KCNQ5: variants seen among roughly 807,000 people sequenced by gnomAD.
KCNQ5 encodes potassium voltage-gated channel subfamily Q member 5.
Under a neutral mutation model 98.2 loss-of-function variants are expected in KCNQ5, and 30 were observed. That is an observed-to-expected ratio of 0.31 (90% CI 0.23 to 0.41). KCNQ5 has a LOEUF of 0.41. Among genes scored for constraint, KCNQ5 ranks in the 10% least tolerant of loss-of-function variants. The pLI is 1.00. For synonymous variants in KCNQ5, 458 were observed against 449.4 expected (o/e 1.02, Z -0.24); for missense variants, 835 against 1,182.5 (o/e 0.71, Z 4.31).
chr6:72,845,736 A>G (rs1330180228), intron 1 of KCNQ5, among the ~76,000 whole-genome samples: 1 of 152,208 alleles, frequency 6.6e-6, no homozygotes, highest in Non-Finnish European at 1.5e-5. Flanking sequence ...TAAGCATATT[A>G]AAGTGGTGTT....
At chr6:72,979,147 T>C (rs1168305065) in intron 1 of KCNQ5, among the ~76,000 whole-genome samples, 2 of 152,226 alleles carry the variant, frequency 1.3e-5, no homozygotes, top group East Asian at 1.9e-4. Context: ...TACGTGTGTA[T>C]GTATCTTTAT....
intron 1 of KCNQ5, among the ~76,000 whole-genome samples, chr6:72,738,910 A>C (rs906081561): frequency 2.6e-5 from 4 of 152,204 alleles, no homozygotes; most frequent in Non-Finnish European, 1.5e-5. Context: ...AGGAGGGATG[A>C]TGAGGCAGAA....
chr6:72,955,630 A>T (rs2150259398), intron 1 of KCNQ5, among the ~76,000 whole-genome samples: 1 of 152,328 alleles, frequency 6.6e-6, no homozygotes, highest in South Asian at 2.1e-4. Flanking sequence ...TATAGAAGGA[A>T]TTAGGACTTG....
chr6:72,754,669 G>A (rs1771866429), intron 1 of KCNQ5, among the ~76,000 whole-genome samples: 1 of 151,426 alleles, frequency 6.6e-6, no homozygotes, highest in Non-Finnish European at 1.5e-5. Flanking sequence ...TTGCTGTATG[G>A]GATCTCAAAA....
At chr6:72,963,409 C>G (rs892648269) in intron 1 of KCNQ5, among the ~76,000 whole-genome samples, 1 of 152,096 alleles carries the variant, frequency 6.6e-6, no homozygotes, top group Non-Finnish European at 1.5e-5. Flanking sequence ...GAACAAACCT[C>G]AGTCTTACTG....
At chr6:72,766,168 G>A (rs553751093) in intron 1 of KCNQ5, among the ~76,000 whole-genome samples, 4 of 152,094 alleles carry the variant, frequency 2.6e-5, no homozygotes, top group African/African-American at 9.6e-5. Context: ...AGTTGTCTGG[G>A]ACAAAAGGGA....
rs372673646 is a variant in KCNQ5 at position 73,005,934 on chromosome 6, CA to C, written c.489+1937del. Among the ~76,000 whole-genome samples, 153 of 152,312 alleles carry C rather than the reference CA, an allele frequency of 1.0e-3. 2 individuals carry two copies. In the South Asian group the frequency reaches 0.025, roughly 25 times the overall value. ...ACCTAGAAATATGCAGACTGCATTGCAGAGCTAAGATTCACAGATGAAATTC... is the reference window on the plus strand; with the variant it reads ...ACCTAGAAATATGCAGACTGCATTGCGAGCTAAGATTCACAGATGAAATTC... On this transcript the variant is annotated intron_variant, in intron 2 of 13. Coordinates refer to ENST00000370398, the MANE Select transcript of KCNQ5 (RefSeq NM_019842.4).
intron 1 of KCNQ5, among the ~76,000 whole-genome samples, chr6:72,963,609 G>T (rs1192264794): frequency 6.6e-6 from 1 of 151,970 alleles, no homozygotes; most frequent in Non-Finnish European, 1.5e-5. Flanking sequence ...AAACTGAGTT[G>T]GAAACCTTCA....
intron 1 of KCNQ5, among the ~76,000 whole-genome samples, chr6:72,655,290 C>T (rs1248131190): frequency 6.6e-5 from 10 of 151,870 alleles, no homozygotes; most frequent in African/African-American, 2.4e-4. Context: ...CAGTTCAAAT[C>T]AGCAAATATG....
intron 1 of KCNQ5, among the ~76,000 whole-genome samples, chr6:72,853,666 G>A (rs1237006971): frequency 6.6e-6 from 1 of 152,204 alleles, no homozygotes; most frequent in Non-Finnish European, 1.5e-5. Flanking sequence ...CTGATGTGCA[G>A]CCATGTTGAG....
At chr6:72,677,675 C>T (rs1470756534) in intron 1 of KCNQ5, among the ~76,000 whole-genome samples, 2 of 152,038 alleles carry the variant, frequency 1.3e-5, no homozygotes, top group African/African-American at 4.8e-5. Context: ...ATCTGTGACA[C>T]CTAACACAAT....
At chr6:72,660,873 G>A (rs189041591) in intron 1 of KCNQ5, among the ~76,000 whole-genome samples, 1 of 152,230 alleles carries the variant, frequency 6.6e-6, no homozygotes, top group East Asian at 1.9e-4. Context: ...AAGTGGTACT[G>A]TGTTTTATCA....
chr6:72,701,952 C>T (rs954510169), intron 1 of KCNQ5, among the ~76,000 whole-genome samples: 2 of 152,122 alleles, frequency 1.3e-5, no homozygotes, highest in African/African-American at 4.8e-5. Context: ...CCTCGGCCTC[C>T]CAAAGTGCTG....
chr6:72,876,893 C>T (rs2150168514), intron 1 of KCNQ5, among the ~76,000 whole-genome samples: 1 of 152,236 alleles, frequency 6.6e-6, no homozygotes, highest in South Asian at 2.1e-4. Context: ...ACACAGGAAC[C>T]TGAGTGTACT....
At chr6:73,124,691 T>G in intron 9 of KCNQ5, 179 bp downstream of exon 9, 1 of 635,632 alleles carries the variant, frequency 1.6e-6, no homozygotes, top group Non-Finnish European at 2.8e-6. Flanking sequence ...AGTATCAAAG[T>G]GTCTTTCCCT....
chr6:72,632,714 G>A (rs1429666710), intron 1 of KCNQ5, among the ~76,000 whole-genome samples: 2 of 152,068 alleles, frequency 1.3e-5, no homozygotes, highest in South Asian at 2.1e-4. Context: ...ATTCACTTAG[G>A]ATTATCGCTT....
chr6:72,933,034 T>A (rs147945071), intron 1 of KCNQ5, among the ~76,000 whole-genome samples: 119 of 152,290 alleles, frequency 7.8e-4, no homozygotes, highest in Middle Eastern at 3.4e-3. Flanking sequence ...TTAAAACAGG[T>A]TTGAACATAA....
intron 11 of KCNQ5, among the ~76,000 whole-genome samples, chr6:73,183,818 T>G (rs1040914791): frequency 1.3e-5 from 2 of 152,186 alleles, no homozygotes; most frequent in Non-Finnish European, 2.9e-5. Flanking sequence ...TGACCTGGCA[T>G]CTTCATTCAC....
At chr6:73,145,118 T>C (rs1776869837) in intron 10 of KCNQ5, among the ~76,000 whole-genome samples, 2 of 152,240 alleles carry the variant, frequency 1.3e-5, no homozygotes, top group African/African-American at 2.4e-5. Context: ...TAATTGACTT[T>C]TTTATTTCTC....
Sources: allele counts gnomAD v4.1 joint callset (sites outside exome capture counted in the v4.1 genomes callset), GRCh38; gene constraint gnomAD v4.1.1; transcripts MANE v1.5; gene names NCBI Gene and HGNC (gene_info 2026-07-23, HGNC 2026-07-21).